FSTL4: variants seen among roughly 807,000 people sequenced by gnomAD.
FSTL4 encodes follistatin-related protein 4.
Under a neutral mutation model 78.2 loss-of-function variants are expected in FSTL4, and 28 were observed. The observed-to-expected ratio is 0.36, with a 90% CI of 0.27 to 0.49. The LOEUF is 0.49. FSTL4 is among the 20% of genes least tolerant of loss of function. FSTL4 has a pLI of 0.98. For synonymous variants in FSTL4, 422 were observed against 440.5 expected (o/e 0.96, Z 0.53); for missense variants, 922 against 1,084.9 (o/e 0.85, Z 2.11).
intron 8 of FSTL4, 108 bp downstream of exon 8, chr5:133,233,309 G>T: frequency 1.6e-6 from 2 of 1,218,606 alleles, no homozygotes; most frequent in Non-Finnish European, 2.4e-6. Context: ...ATATTTTGGG[G>T]TTAGATATTT....
At chr5:133,801,531 G>T in the FSTL4 span, among the ~76,000 whole-genome samples, 1 of 152,226 alleles carries the variant, frequency 6.6e-6, no homozygotes, top group African/African-American at 2.4e-5. Flanking sequence ...TCCTGTAGCA[G>T]CCACCATCTC....
intron 3 of FSTL4, among the ~76,000 whole-genome samples, chr5:133,561,405 A>G (rs941958490): frequency 3.3e-5 from 5 of 152,126 alleles, no homozygotes; most frequent in African/African-American, 9.7e-5. Flanking sequence ...TCTTCCTTTG[A>G]GGACCAAACC....
At chr5:133,516,451 T>C (rs1232708771) in intron 3 of FSTL4, among the ~76,000 whole-genome samples, 1 of 152,106 alleles carries the variant, frequency 6.6e-6, no homozygotes, top group African/African-American at 2.4e-5. Context: ...CTATAAAATG[T>C]GCAAAACACC....
intron 6 of FSTL4, among the ~76,000 whole-genome samples, chr5:133,304,047 G>C (rs12517807): frequency 0.36 from 55,084 of 152,034 alleles, 11,402 homozygotes; most frequent in Middle Eastern, 0.56. Flanking sequence ...GCTCTGGAAG[G>C]CTCAGGCATT....
In FSTL4 at chr5:133,236,892, C is replaced by G. The variant is rs1487632039; in HGVS notation, c.895-3355G>C. ...GCCGCCTGCTGCTTTCTGTACTTAC[C>G]TTGTTTGCTGTCTGTCTTCCCCTGC... On this transcript the variant is annotated intron_variant, in intron 7 of 15. Coordinates refer to ENST00000265342, the MANE Select transcript of FSTL4 (RefSeq NM_015082.2). The surrounding 1 kb of genome is among the most constrained non-coding windows in gnomAD (Gnocchi z 5.0). Among the ~76,000 whole-genome samples, 1 of 152,200 alleles carries G rather than the reference C, an allele frequency of 6.6e-6. No individual in the cohort carries two copies. Among genetic ancestry groups the G allele is most frequent in the Non-Finnish European group, 1.5e-5 (1 of 68,032 alleles).
intron 3 of FSTL4, among the ~76,000 whole-genome samples, chr5:133,419,244 C>T (rs1188812911): frequency 2.0e-5 from 3 of 152,156 alleles, no homozygotes; most frequent in Non-Finnish European, 4.4e-5. Context: ...CTCAGCCTCC[C>T]GAGTAGCTGG....
At chr5:133,806,999 A>G in the FSTL4 span, among the ~76,000 whole-genome samples, 1 of 152,154 alleles carries the variant, frequency 6.6e-6, no homozygotes, top group African/African-American at 2.4e-5. Context: ...TCAGGTGTGG[A>G]CTGTCAATCA....
chr5:133,515,062 T>C (rs957041917), intron 3 of FSTL4, among the ~76,000 whole-genome samples: 5 of 152,144 alleles, frequency 3.3e-5, no homozygotes, highest in South Asian at 4.1e-4. Context: ...AACTATAATA[T>C]AGAAGAATCC....
At chr5:133,757,152 G>A in the FSTL4 span, among the ~76,000 whole-genome samples, 2 of 152,072 alleles carry the variant, frequency 1.3e-5, no homozygotes, top group Non-Finnish European at 2.9e-5. Context: ...CACAAATCCT[G>A]CACAAATGGT....
intron 3 of FSTL4, among the ~76,000 whole-genome samples, chr5:133,491,567 T>A (rs1359484910): frequency 6.6e-6 from 1 of 151,802 alleles, no homozygotes; most frequent in Admixed American, 6.6e-5. Flanking sequence ...GCCTGGCTAA[T>A]TTTTTTGTAT....
chr5:133,810,145 C>CTGCATAAAACCTGCCCA, the FSTL4 span, among the ~76,000 whole-genome samples: 1 of 152,256 alleles, frequency 6.6e-6, no homozygotes, highest in Non-Finnish European at 1.5e-5. Context: ...AGGACCTCCT[C>CTGCATAAAACCTGCCCA]TGCATAAAAC....
At chr5:133,691,044 T>C in the FSTL4 span, among the ~76,000 whole-genome samples, 1 of 152,224 alleles carries the variant, frequency 6.6e-6, no homozygotes, top group Non-Finnish European at 1.5e-5. Context: ...TGCCATGCTT[T>C]GGATCCGAGG....
intron 7 of FSTL4, among the ~76,000 whole-genome samples, chr5:133,240,030 T>G (rs2126810893): frequency 1.3e-5 from 2 of 152,280 alleles, no homozygotes; most frequent in Non-Finnish European, 2.9e-5. Flanking sequence ...GAAGCTTTGT[T>G]CTTTTGCTCT....
chr5:133,315,463 C>T (rs1242637991), intron 5 of FSTL4, among the ~76,000 whole-genome samples: 1 of 152,214 alleles, frequency 6.6e-6, no homozygotes, highest in Non-Finnish European at 1.5e-5. Flanking sequence ...TGTTAGGGCA[C>T]TCCCCACCCC....
intron 3 of FSTL4, among the ~76,000 whole-genome samples, chr5:133,484,905 C>T (rs574299090): frequency 1.2e-4 from 19 of 152,230 alleles, no homozygotes; most frequent in African/African-American, 4.3e-4. Context: ...ATGTAAGCAC[C>T]TTGTATTTAT....
the FSTL4 span, among the ~76,000 whole-genome samples, chr5:133,667,285 C>T: frequency 6.6e-6 from 1 of 152,182 alleles, no homozygotes; most frequent in South Asian, 2.1e-4. Context: ...ATCACTTCCA[C>T]CATTATTACC....
chr5:133,762,299 C>T, the FSTL4 span, among the ~76,000 whole-genome samples: 6 of 152,132 alleles, frequency 3.9e-5, no homozygotes, highest in Non-Finnish European at 7.4e-5. Flanking sequence ...AAGGGACCTA[C>T]GGTGACTGGA....
the FSTL4 span, among the ~76,000 whole-genome samples, chr5:133,714,028 C>G: frequency 6.6e-6 from 1 of 152,138 alleles, no homozygotes; most frequent in East Asian, 1.9e-4. Flanking sequence ...GAGGGAGACC[C>G]TTGCTTTTCA....
the FSTL4 span, among the ~76,000 whole-genome samples, chr5:133,809,768 G>A: frequency 0.02 from 3,007 of 152,258 alleles, 103 homozygotes; most frequent in African/African-American, 0.068. Flanking sequence ...GCTGTTAGAG[G>A]CTGCATGGAA....
Sources: allele counts gnomAD v4.1 joint callset (sites outside exome capture counted in the v4.1 genomes callset), GRCh38; gene constraint gnomAD v4.1.1; non-coding constraint Gnocchi (gnomAD v3.1); transcripts MANE v1.5; gene names NCBI Gene and HGNC (gene_info 2026-07-23, HGNC 2026-07-21).